The following ROCK1 variants were observed in gnomAD, a reference collection of about 807,000 sequenced individuals.
ROCK1 encodes Rho associated coiled-coil containing protein kinase 1, also known as rho-associated protein kinase 1.
ROCK1 carries 36 observed loss-of-function variants against 196.8 expected under a neutral mutation model. That is an observed-to-expected ratio of 0.18 (90% CI 0.14 to 0.24). The LOEUF is 0.24. ROCK1 is among the 10% of genes least tolerant of loss of function. The pLI is 1.00. For synonymous variants in ROCK1, 443 were observed against 515.9 expected (o/e 0.86, Z 1.91); for missense variants, 920 against 1,562.0 (o/e 0.59, Z 6.93).
intron 8 of ROCK1, among the ~76,000 whole-genome samples, chr18:21,041,637 T>TATACCA (rs2036107975): frequency 6.6e-6 from 1 of 152,132 alleles, no homozygotes; most frequent in South Asian, 2.1e-4. Flanking sequence ...CTATTGACTC[T>TATACCA]TTCAACAACC....
intron 2 of ROCK1, among the ~76,000 whole-genome samples, chr18:21,061,014 G>A (rs754885762): frequency 6.6e-6 from 1 of 151,368 alleles, no homozygotes; most frequent in Non-Finnish European, 1.5e-5. Context: ...TGCAATTTAG[G>A]GGAAAAAAGG....
At chr18:21,086,764 A>G (rs1455402436) in intron 1 of ROCK1, among the ~76,000 whole-genome samples, 3 of 151,658 alleles carry the variant, frequency 2.0e-5, no homozygotes, top group African/African-American at 7.3e-5. Context: ...ATCCACTGAA[A>G]AAAAAAAAAA....
At chr18:21,007,577 T>C (rs893874530) in intron 14 of ROCK1, among the ~76,000 whole-genome samples, 5 of 152,186 alleles carry the variant, frequency 3.3e-5, no homozygotes, top group African/African-American at 1.2e-4. Context: ...AAATAACTTA[T>C]GGAAGTGAAA....
At chr18:20,965,991 A>T (rs2035370715) in intron 27 of ROCK1, among the ~76,000 whole-genome samples, 1 of 152,192 alleles carries the variant, frequency 6.6e-6, no homozygotes, top group East Asian at 1.9e-4. Context: ...AATTCACAAT[A>T]ACAAGTAATA....
Position 21,068,025 on chromosome 18 carries a change from T to A in ROCK1, c.175+2507A>T, listed in dbSNP as rs114893194. 7.9e-3 allele frequency among the ~76,000 whole-genome samples: 1,209 copies of A among 152,334 alleles called. 12 individuals are homozygous for A. Among genetic ancestry groups the A allele is most frequent in the African/African-American group, 0.028 (1,156 of 41,582 alleles). ...CTATTTTTTCCCAGCCTTTGGCTTA[T>A]CTTTTCATTTTCTGAACAGTGTCTT... On this transcript the variant is annotated intron_variant, in intron 2 of 32. Coordinates refer to ENST00000399799, the MANE Select transcript of ROCK1 (RefSeq NM_005406.3).
chr18:21,003,940 GTTAAT>G (rs1385948779), intron 16 of ROCK1, among the ~76,000 whole-genome samples: 1 of 151,716 alleles, frequency 6.6e-6, no homozygotes, highest in Non-Finnish European at 1.5e-5. Context: ...TTTAAAAATG[GTTAAT>G]TTAAAAAAAT....
In ROCK1 at chr18:21,058,205, G is replaced by A. The variant is rs189393411; in HGVS notation, c.176-8325C>T. ...CTGCAGTCATCTCTGAGTTTGGTGA[G>A]ACTACAGATTATTCTGCCACATTTT... On this transcript the variant is annotated intron_variant, in intron 2 of 32. Coordinates refer to ENST00000399799, the MANE Select transcript of ROCK1 (RefSeq NM_005406.3). Among the ~76,000 whole-genome samples, 10 of 152,048 alleles carry A rather than the reference G, an allele frequency of 6.6e-5. No homozygotes were observed. In the Middle Eastern group the frequency reaches 0.01, roughly 156 times the overall value.
chr18:20,977,007 G>C (rs1011409764), intron 22 of ROCK1, among the ~76,000 whole-genome samples: 4 of 151,984 alleles, frequency 2.6e-5, no homozygotes, highest in Non-Finnish European at 5.9e-5. Context: ...TTCGTTTTAT[G>C]CACTTGCCTC....
At chr18:21,079,170 C>G (rs2036461267) in intron 1 of ROCK1, among the ~76,000 whole-genome samples, 1 of 152,160 alleles carries the variant, frequency 6.6e-6, no homozygotes, top group African/African-American at 2.4e-5. Flanking sequence ...CATTCATCTG[C>G]TGAGTTATTG....
At chr18:21,033,979 A>G (rs1598536935) in intron 9 of ROCK1, among the ~76,000 whole-genome samples, 2 of 145,956 alleles carry the variant, frequency 1.4e-5, no homozygotes, top group South Asian at 4.4e-4. Flanking sequence ...GCTTGCCGTG[A>G]GCCGAGATCG....
chr18:21,023,569 T>C (rs773725448), intron 11 of ROCK1, 51 bp downstream of exon 11: 32 of 990,248 alleles, frequency 3.2e-5, no homozygotes, highest in Non-Finnish European at 4.6e-5. Context: ...AAATATATTA[T>C]CCACAAAACA....
chr18:21,047,592 G>C lies in ROCK1; in HGVS notation c.414+1500C>G, dbSNP rs184434634. On this transcript the variant is annotated intron_variant, in intron 4 of 32. Coordinates refer to ENST00000399799, the MANE Select transcript of ROCK1 (RefSeq NM_005406.3). ...GCGGATCACGAGGTCAGGAGATCGAGACCATGCTGGCTAACACAGTGAAAC... is the reference window on the plus strand; with the variant it reads ...GCGGATCACGAGGTCAGGAGATCGACACCATGCTGGCTAACACAGTGAAAC... Among the ~76,000 whole-genome samples the C allele has an allele frequency of 8.3e-3, 1,261 of 152,204 alleles. 14 individuals are homozygous for C. Among genetic ancestry groups the C allele is most frequent in the African/African-American group, 0.029 (1,206 of 41,524 alleles).
intron 9 of ROCK1, among the ~76,000 whole-genome samples, chr18:21,035,730 T>C (rs2036051340): frequency 6.6e-6 from 1 of 152,182 alleles, no homozygotes; most frequent in Admixed American, 6.5e-5. Context: ...AAACAAAATA[T>C]AGTATATCCA....
At chr18:21,047,647 A>G (rs1216612758) in intron 4 of ROCK1, among the ~76,000 whole-genome samples, 1 of 152,008 alleles carries the variant, frequency 6.6e-6, no homozygotes, top group East Asian at 1.9e-4. Context: ...AAAAAATAAT[A>G]GCCGGGCGTG....
At chr18:21,056,118 G>C (rs1292645075) in intron 2 of ROCK1, among the ~76,000 whole-genome samples, 1 of 151,992 alleles carries the variant, frequency 6.6e-6, no homozygotes, top group Non-Finnish European at 1.5e-5. Context: ...CTTAACACTG[G>C]AGCATTCCAA....
chr18:21,085,880 G>A (rs1004102073), intron 1 of ROCK1, among the ~76,000 whole-genome samples: 44 of 152,126 alleles, frequency 2.9e-4, no homozygotes, highest in African/African-American at 7.7e-4. Context: ...ATATATTCAC[G>A]GATAATTTCA....
At chr18:20,959,119 TA>T (rs1568367463) in intron 29 of ROCK1, among the ~76,000 whole-genome samples, 3 of 54,686 alleles carry the variant, frequency 5.5e-5, no homozygotes, top group East Asian at 5.7e-4. Flanking sequence ...ATATATTATA[TA>T]ATATATATAT....
At position 20,979,968 on chromosome 18, in the gene ROCK1, CTTCT is replaced by C; in HGVS notation, c.2592_2595del (p.Glu865LysfsTer10). 1 of 1,550,278 alleles carries C rather than the reference CTTCT, an allele frequency of 6.5e-7. No homozygotes were observed. Among genetic ancestry groups the C allele is most frequent in the Non-Finnish European group, 8.7e-7 (1 of 1,146,106 alleles). On this transcript the variant is annotated frameshift_variant, in exon 22 of 33. Transcript: ENST00000399799. LOFTEE classifies it high-confidence loss of function. The stretch of plus-strand genomic sequence containing the variant: ...TTTTCTCTGTTTTTTTCTTCAATTT[CTTCT>C]TTAAGTTCCTTTACCTGGGTTTTAT...
At chr18:21,090,921 GA>G (rs936707118) in intron 1 of ROCK1, among the ~76,000 whole-genome samples, 7 of 151,742 alleles carry the variant, frequency 4.6e-5, no homozygotes, top group African/African-American at 1.2e-4. Context: ...ACCATTTAGG[GA>G]AAAAAAATTA....
Sources: gnomAD v4.1 joint callset for allele counts (sites outside exome capture counted in the v4.1 genomes callset) on GRCh38, gnomAD v4.1.1 for gene constraint, MANE v1.5 for transcripts, NCBI Gene and HGNC (gene_info 2026-07-23, HGNC 2026-07-21) for gene names.